WNK3: variants seen among roughly 807,000 people sequenced by gnomAD.
WNK3 encodes the protein WNK lysine deficient protein kinase 3, also known as serine/threonine-protein kinase WNK3.
A neutral mutation model predicts 116.7 loss-of-function variants in WNK3; 18 were observed. The observed-to-expected ratio is 0.15, with a 90% CI of 0.11 to 0.23. The LOEUF is 0.23. Ranked by LOEUF, WNK3 falls within the 10% of genes least tolerant of loss-of-function variation. The pLI is 1.00. For synonymous variants in WNK3, 404 were observed against 469.4 expected (o/e 0.86, Z 1.80); for missense variants, 993 against 1,323.8 (o/e 0.75, Z 3.88).
chrX:54,271,972 G>C lies in WNK3; in HGVS notation c.2038-12634C>G, dbSNP rs1341687080. Among the ~76,000 whole-genome samples, 7 of 112,142 alleles carry C rather than the reference G, an allele frequency of 6.2e-5. No individual in the cohort carries two copies. The Admixed American group carries it at 6.6e-4, about 11-fold the overall frequency. On this transcript the variant is annotated intron_variant, in intron 10 of 23. Transcript: ENST00000354646. ...ATTACCAGTTTCAACAATATGAATA[G>C]ATACAAAGCAATACATGCCTTTTGG...
intron 1 of WNK3, among the ~76,000 whole-genome samples, chrX:54,336,046 T>C (rs1360414485): frequency 8.9e-6 from 1 of 112,068 alleles, no homozygotes; most frequent in Non-Finnish European, 1.9e-5. Flanking sequence ...TCTTAGCACT[T>C]TGGGAGGCCA....
chrX:54,219,669 CAAAAAA>C (rs34431672), intron 22 of WNK3, among the ~76,000 whole-genome samples: 2 of 15,191 alleles, frequency 1.3e-4, no homozygotes, highest in Non-Finnish European at 2.7e-4. Flanking sequence ...CTCCATCTCC[CAAAAAA>C]AAAAAAAAAA....
intron 17 of WNK3, among the ~76,000 whole-genome samples, chrX:54,241,309 A>G (rs944992860): frequency 6.2e-5 from 7 of 112,143 alleles, no homozygotes; most frequent in Non-Finnish European, 1.1e-4. Flanking sequence ...CGGTAATTAC[A>G]TAAAACACTT....
chrX:54,270,378 G>C (rs1444232617), intron 10 of WNK3, among the ~76,000 whole-genome samples: 4 of 107,210 alleles, frequency 3.7e-5, no homozygotes, highest in African/African-American at 1.4e-4. Flanking sequence ...GATTACAGGC[G>C]TGAGCCACAG....
chrX:54,204,582 CA>C (rs2067533466), intron 22 of WNK3, among the ~76,000 whole-genome samples: 1 of 112,345 alleles, frequency 8.9e-6, no homozygotes, highest in Non-Finnish European at 1.9e-5. Context: ...TTTTCTAAGA[CA>C]TAAAATCCTG....
At chrX:54,234,628 C>A (rs1393892337) in intron 20 of WNK3, among the ~76,000 whole-genome samples, 1 of 111,296 alleles carries the variant, frequency 9.0e-6, no homozygotes, top group Non-Finnish European at 1.9e-5. Flanking sequence ...AGATTGAGAT[C>A]ATCCCAGCTA....
At chrX:54,312,849 T>C (rs1392264800) in intron 2 of WNK3, among the ~76,000 whole-genome samples, 1 of 111,802 alleles carries the variant, frequency 8.9e-6, no homozygotes, top group African/African-American at 3.2e-5. Context: ...TTTTTATGTA[T>C]ATAAATTTTA....
chrX:54,333,742 G>C (rs1438999867), exon 2 of WNK3: 1 of 827,699 alleles, frequency 1.2e-6, no homozygotes, highest in Non-Finnish European at 1.7e-6. Flanking sequence ...TCAGGTATCA[G>C]AATTATCAGA....
intron 10 of WNK3, among the ~76,000 whole-genome samples, chrX:54,291,558 T>C (rs782785547): frequency 4.9e-4 from 55 of 111,902 alleles, no homozygotes; most frequent in African/African-American, 1.5e-3. Flanking sequence ...CACTTTGCAT[T>C]ATAGGCTTAG....
chrX:54,288,121 G>A (rs1557164291), intron 10 of WNK3, among the ~76,000 whole-genome samples: 2 of 111,760 alleles, frequency 1.8e-5, no homozygotes, highest in Admixed American at 1.9e-4. Context: ...TCAGCAGACT[G>A]CTGCTGGATG....
chrX:54,193,791 A>G (rs1424293351), exon 24 of WNK3: 1 of 111,422 alleles, frequency 9.0e-6, no homozygotes, highest in Admixed American at 9.7e-5. Flanking sequence ...TACGATCTGC[A>G]TTTTTAAAAT....
intron 17 of WNK3, among the ~76,000 whole-genome samples, chrX:54,241,095 A>G (rs1212192303): frequency 9.0e-6 from 1 of 111,585 alleles, no homozygotes; most frequent in Non-Finnish European, 1.9e-5. Flanking sequence ...CCCCCAAATA[A>G]GAGCAGTAAG....
chrX:54,198,405 T>A lies in WNK3; in HGVS notation c.5322A>T (p.Pro1774=), dbSNP rs782423821. 44 of 1,209,331 alleles carry A rather than the reference T, an allele frequency of 3.6e-5. No individual in the cohort carries two copies. The East Asian group carries it at 8.9e-4, about 24-fold the overall frequency. The change falls in exon 24 of 24, where the codon CCA becomes CCT. Residue 1774 remains proline (P), a synonymous_variant. Coordinates refer to ENST00000354646, the Ensembl canonical transcript of WNK3. The stretch of plus-strand genomic sequence containing the variant: ...CCTGCATATTCATCCCTGGCTGGAA[T>A]GGTCCCCCAGATTGGGCGGGAATTA...
At chrX:54,280,789 G>C (rs1351110001) in intron 10 of WNK3, among the ~76,000 whole-genome samples, 2 of 110,606 alleles carry the variant, frequency 1.8e-5, no homozygotes, top group African/African-American at 3.3e-5. Flanking sequence ...AGAGGGGAGA[G>C]AAAGGGATGG....
At chrX:54,262,246 T>C (rs1301736442) in intron 10 of WNK3, among the ~76,000 whole-genome samples, 1 of 111,578 alleles carries the variant, frequency 9.0e-6, no homozygotes, top group Non-Finnish European at 1.9e-5. Flanking sequence ...CTTACCTTTA[T>C]TGGCCTGCAT....
At chrX:54,297,511 A>G (rs1470116927) in intron 7 of WNK3, among the ~76,000 whole-genome samples, 1 of 107,776 alleles carries the variant, frequency 9.3e-6, no homozygotes, top group Non-Finnish European at 1.9e-5. Context: ...CGGGAGGCAG[A>G]GGTCGTGGTG....
At chrX:54,333,702 C>A (rs781824038) in exon 2 of WNK3, 6 of 1,116,156 alleles carry the variant, frequency 5.4e-6, no homozygotes, top group Non-Finnish European at 2.4e-6. Context: ...TAAAATTTTT[C>A]CTGTTTCTAC....
chrX:54,294,907 T>A, intron 7 of WNK3, 60 bp from the exon 8 acceptor site: 1 of 1,056,096 alleles, frequency 9.5e-7, no homozygotes, highest in African/African-American at 1.9e-5. Context: ...TAACTTTTTT[T>A]TTTTTTTTGA....
At chrX:54,237,008 T>C (rs1316269346) in exon 20 of WNK3, 12 of 1,211,469 alleles carry the variant, frequency 9.9e-6, no homozygotes, top group Non-Finnish European at 1.3e-5. Context: ...TCACTGCTCA[T>C]TGGGGAAGAT....
Sources: allele counts gnomAD v4.1 joint callset (sites outside exome capture counted in the v4.1 genomes callset), GRCh38; gene constraint gnomAD v4.1.1; transcripts MANE v1.5; gene names NCBI Gene and HGNC (gene_info 2026-07-23, HGNC 2026-07-21).